The following SMIM17 variants were observed in gnomAD, a reference collection of about 807,000 sequenced individuals.
SMIM17 encodes small integral membrane protein 17.
Under a neutral mutation model 12.2 loss-of-function variants are expected in SMIM17, and 10 were observed. The observed-to-expected ratio is 0.82, with a 90% CI of 0.50 to 1.39. The LOEUF (loss-of-function observed/expected upper bound fraction) is 1.39, where lower values mean the gene tolerates loss of function less well. Among genes scored for constraint, SMIM17 ranks in the 40% most tolerant of loss-of-function variants. The pLI is 0.00. For missense variants in SMIM17, 136 were observed against 118.2 expected (o/e 1.15, Z -0.70); for synonymous variants, 50 against 44.1 (o/e 1.13, Z -0.53).
At chr19:56,652,948 C>T (rs10419133) in intron 3 of SMIM17, among the ~76,000 whole-genome samples, 85,160 of 152,064 alleles carry the variant, frequency 0.56, 24,203 homozygotes, top group East Asian at 0.73. Context: ...GTGAGGCATC[C>T]ATGGGTCTAT....
Position 56,655,718 on chromosome 19 carries a change from T to A in SMIM17, c.*505T>A, listed in dbSNP as rs939197136. On this transcript the variant is annotated 3_prime_UTR_variant, in exon 4 of 4. Coordinates refer to ENST00000598409, the MANE Select transcript of SMIM17 (RefSeq NM_001193628.2). Reference sequence around the variant, plus strand: ...TTTTGGTATCATGGTTAAGCTTGCATCATAGAAAGACTTGGGTAACTTTTA... The same window carrying A: ...TTTTGGTATCATGGTTAAGCTTGCAACATAGAAAGACTTGGGTAACTTTTA... 6.5e-6 allele frequency: 1 copy of A among 154,224 alleles called. No homozygotes were observed. Among genetic ancestry groups the A allele is most frequent in the African/African-American group, 2.4e-5 (1 of 41,526 alleles). The allele number at this position is 154,224 out of a possible 1,614,324, so 9.6% of individuals were successfully genotyped here. A position where few individuals can be genotyped will look rare whatever the true frequency, so the allele number is the denominator to read the frequency against.
intron 3 of SMIM17, among the ~76,000 whole-genome samples, chr19:56,648,041 T>C (rs2045078082): frequency 1.3e-5 from 2 of 150,448 alleles, no homozygotes; most frequent in Admixed American, 6.7e-5. Context: ...CCTACTTGCT[T>C]GTATACCCAT....
Position 56,655,486 on chromosome 19 carries a change from G to T in SMIM17, c.*273G>T. The T allele has an allele frequency of 2.5e-6, 1 of 400,262 alleles. No individual in the cohort carries two copies. Among genetic ancestry groups the T allele is most frequent in the Non-Finnish European group, 4.4e-6 (1 of 227,130 alleles). 24.8% of individuals were successfully genotyped at this position (400,262 alleles called of 1,614,324 possible). ...ATTAATCATTAAGATGCCACCAACT[G>T]GAAGATATCTCCTGACTTTGAGAAG... On this transcript the variant is annotated 3_prime_UTR_variant, in exon 4 of 4. Coordinates refer to ENST00000598409, the MANE Select transcript of SMIM17 (RefSeq NM_001193628.2).
At chr19:56,648,131 TATCCATCCATCCATCCATCCATCCATCC>T (rs35121437) in intron 3 of SMIM17, among the ~76,000 whole-genome samples, 3 of 129,310 alleles carry the variant, frequency 2.3e-5, no homozygotes, top group Admixed American at 7.7e-5. Context: ...TTTATCCACT[TATCCATCCATCCATCCATCCATCCATCC>T]ATCCATCCAT....
rs747724199 is a variant in SMIM17 at position 56,648,383 on chromosome 19, A to ATCCATCCG, written c.246+756_246+757insGTCCATCC. ...ATGCATCCATATACCCATTCCATCC[A>ATCCATCCG]TCCATCCATCCATCCATCCATCCAT... is the stretch of plus-strand genomic sequence containing the variant. On this transcript the variant is annotated intron_variant, in intron 3 of 3. Coordinates refer to ENST00000598409, the MANE Select transcript of SMIM17 (RefSeq NM_001193628.2). 3.2e-3 allele frequency among the ~76,000 whole-genome samples: 470 copies of ATCCATCCG among 147,228 alleles called. 4 individuals carry two copies. The highest frequency in any genetic ancestry group is 0.011 in the Middle Eastern group (3 of 284).
At chr19:56,644,564 T>G (rs1019465787) in intron 1 of SMIM17, among the ~76,000 whole-genome samples, 3 of 152,236 alleles carry the variant, frequency 2.0e-5, no homozygotes, top group Non-Finnish European at 4.4e-5. Context: ...GCGTTTGCTC[T>G]GCAGACATTA....
At chr19:56,645,195 GTGA>G (rs2045053019) in intron 1 of SMIM17, among the ~76,000 whole-genome samples, 1 of 128,898 alleles carries the variant, frequency 7.8e-6, no homozygotes, top group East Asian at 2.9e-4. Flanking sequence ...GTGAGTGTGT[GTGA>G]ATGTGGATGT....
chr19:56,655,326 T>C lies in SMIM17; in HGVS notation c.*113T>C. 2 of 530,392 alleles carry C rather than the reference T, an allele frequency of 3.8e-6. No individual in the cohort carries two copies. The highest frequency in any genetic ancestry group is 6.8e-6 in the Non-Finnish European group (2 of 295,516). 32.9% of individuals were successfully genotyped at this position (530,392 alleles called of 1,614,324 possible). A position where few individuals can be genotyped will look rare whatever the true frequency, so the allele number is the denominator to read the frequency against. The stretch of plus-strand genomic sequence containing the variant: ...GGAATAGGTGTTGAATATTTTCAAA[T>C]GCCTTTCAAACATCCTTTGAGATGA... On this transcript the variant is annotated 3_prime_UTR_variant, in exon 4 of 4. Coordinates refer to ENST00000598409, the MANE Select transcript of SMIM17 (RefSeq NM_001193628.2).
At chr19:56,649,456 A>G (rs1360850697) in intron 3 of SMIM17, among the ~76,000 whole-genome samples, 2 of 152,168 alleles carry the variant, frequency 1.3e-5, no homozygotes, top group Admixed American at 6.5e-5. Context: ...CAGCTAAAAT[A>G]TGAATTGGGT....
At chr19:56,654,830 T>C (rs1452947448) in intron 3 of SMIM17, among the ~76,000 whole-genome samples, 1 of 152,140 alleles carries the variant, frequency 6.6e-6, no homozygotes, top group African/African-American at 2.4e-5. Flanking sequence ...GTGGGGTCAT[T>C]AGAGCATAGA....
At chr19:56,652,674 AG>A (rs1456084060) in intron 3 of SMIM17, among the ~76,000 whole-genome samples, 12 of 148,646 alleles carry the variant, frequency 8.1e-5, no homozygotes, top group South Asian at 6.4e-4. Flanking sequence ...AAAAAAAAAG[AG>A]AGAGAGAGAG....
Position 56,656,666 on chromosome 19 carries a change from TTTTG to T in SMIM17, c.*1457_*1460del, listed in dbSNP as rs2045154388. 6.6e-6 allele frequency among the ~76,000 whole-genome samples: 1 copy of T among 152,244 alleles called. No individual in the cohort carries two copies. Among genetic ancestry groups the T allele is most frequent in the Admixed American group, 6.5e-5 (1 of 15,286 alleles). The stretch of plus-strand genomic sequence containing the variant: ...CACATCTTAACATTTGATTATTCAT[TTTTG>T]TTTATGTTGTCTAAAAATTACATTG... On this transcript the variant is annotated 3_prime_UTR_variant, in exon 4 of 4. Coordinates refer to ENST00000598409, the MANE Select transcript of SMIM17 (RefSeq NM_001193628.2).
intron 3 of SMIM17, among the ~76,000 whole-genome samples, chr19:56,654,356 G>T (rs2045132505): frequency 2.0e-5 from 3 of 152,212 alleles, no homozygotes; most frequent in Admixed American, 2.0e-4. Context: ...AGTGAGAAAG[G>T]CAAGGAATGA....
intron 3 of SMIM17, among the ~76,000 whole-genome samples, chr19:56,648,447 AC>A (rs1416976631): frequency 1.3e-5 from 2 of 152,136 alleles, no homozygotes; most frequent in Non-Finnish European, 2.9e-5. Context: ...TTATCCATAT[AC>A]ATACTCATTC....
intron 3 of SMIM17, among the ~76,000 whole-genome samples, chr19:56,654,522 T>C (rs73617307): frequency 0.028 from 4,323 of 152,274 alleles, 183 homozygotes; most frequent in African/African-American, 0.098. Flanking sequence ...ATGGTCAGAT[T>C]CTGAATGTTT....
At chr19:56,643,427 G>T (rs1349931097) in intron 1 of SMIM17, among the ~76,000 whole-genome samples, 6 of 152,192 alleles carry the variant, frequency 3.9e-5, no homozygotes, top group Admixed American at 3.9e-4. Context: ...TGTCGGGGTC[G>T]GGTCTGTTTC....
intron 3 of SMIM17, among the ~76,000 whole-genome samples, chr19:56,648,760 C>A (rs555758551): frequency 6.6e-6 from 1 of 152,332 alleles, no homozygotes; most frequent in African/African-American, 2.4e-5. Context: ...AAACCAAAGA[C>A]AATTATCAAA....
chr19:56,648,894 T>G (rs144373749), intron 3 of SMIM17, among the ~76,000 whole-genome samples: 2 of 152,300 alleles, frequency 1.3e-5, no homozygotes, highest in African/African-American at 4.8e-5. Flanking sequence ...ACATAATCAC[T>G]CTCAGTGAGC....
chr19:56,646,194 G>T (rs1423381221), intron 2 of SMIM17, among the ~76,000 whole-genome samples: 3 of 152,128 alleles, frequency 2.0e-5, no homozygotes, highest in Non-Finnish European at 2.9e-5. Context: ...GTGGTGCTGA[G>T]GACAGGCCAT....
Sources: allele counts gnomAD v4.1 joint callset (sites outside exome capture counted in the v4.1 genomes callset), GRCh38; gene constraint gnomAD v4.1.1; transcripts MANE v1.5; gene names NCBI Gene and HGNC (gene_info 2026-07-23, HGNC 2026-07-21).